Variants in KCNJ6 observed in about 807,000 individuals in gnomAD.
The protein encoded by KCNJ6 is potassium inwardly rectifying channel subfamily J member 6, also known as G protein-activated inward rectifier potassium channel 2.
In KCNJ6, 9 loss-of-function variants were observed where a neutral mutation model predicts 34.2. That is an observed-to-expected ratio of 0.26 (90% confidence interval 0.16 to 0.46). KCNJ6 has a LOEUF of 0.46. KCNJ6 is among the 20% of genes least tolerant of loss of function. KCNJ6 has a pLI of 1.00. For synonymous variants in KCNJ6, 196 were observed against 207.1 expected (o/e 0.95, Z 0.46); for missense variants, 236 against 531.3 (o/e 0.44, Z 5.46).
chr21:37,842,608 C>T (rs1249321827), intron 1 of KCNJ6, among the ~76,000 whole-genome samples: 1 of 152,236 alleles, frequency 6.6e-6, no homozygotes, highest in Non-Finnish European at 1.5e-5. Flanking sequence ...TGGAATTTCA[C>T]CCGTGATATT....
At chr21:37,807,664 T>C (rs2055300400) in intron 2 of KCNJ6, among the ~76,000 whole-genome samples, 1 of 152,254 alleles carries the variant, frequency 6.6e-6, no homozygotes, top group African/African-American at 2.4e-5. Context: ...CTGGACCATG[T>C]AGCCTAGGTG....
At chr21:37,819,799 CTTT>C (rs60678115) in intron 2 of KCNJ6, among the ~76,000 whole-genome samples, 1 of 148,548 alleles carries the variant, frequency 6.7e-6, no homozygotes, top group African/African-American at 2.5e-5. Context: ...GTTAAATACA[CTTT>C]TTTTTTTTTG....
intron 2 of KCNJ6, among the ~76,000 whole-genome samples, chr21:37,740,363 C>G (rs1232069636): frequency 6.6e-6 from 1 of 152,182 alleles, no homozygotes; most frequent in African/African-American, 2.4e-5. Context: ...GAGGCTTCAG[C>G]TGCATGATAA....
intron 3 of KCNJ6, among the ~76,000 whole-genome samples, chr21:37,644,140 C>T (rs2054393240): frequency 6.6e-6 from 1 of 152,112 alleles, no homozygotes; most frequent in South Asian, 2.1e-4. Context: ...AACCAAATAC[C>T]ACATGTTCTC....
At chr21:37,850,320 C>T (rs1310542807) in intron 1 of KCNJ6, among the ~76,000 whole-genome samples, 2 of 151,990 alleles carry the variant, frequency 1.3e-5, no homozygotes, top group Non-Finnish European at 1.5e-5. Flanking sequence ...AACCCCAGGC[C>T]GTGGACCAAT....
At chr21:37,813,278 T>C (rs2055331438) in intron 2 of KCNJ6, among the ~76,000 whole-genome samples, 2 of 152,226 alleles carry the variant, frequency 1.3e-5, no homozygotes, top group Non-Finnish European at 2.9e-5. Context: ...AATGGAAATG[T>C]ATTCCATGTT....
At chr21:37,914,303 A>AGGTGGG (rs1420592014) in intron 1 of KCNJ6, among the ~76,000 whole-genome samples, 1 of 152,156 alleles carries the variant, frequency 6.6e-6, no homozygotes, top group Non-Finnish European at 1.5e-5. Flanking sequence ...CGACCAAAGG[A>AGGTGGG]GTGGGTACTG....
At chr21:37,691,870 A>T (rs576252477) in intron 3 of KCNJ6, among the ~76,000 whole-genome samples, 10 of 152,254 alleles carry the variant, frequency 6.6e-5, no homozygotes, top group Non-Finnish European at 1.5e-5. Flanking sequence ...TATTCATTCA[A>T]TGTGCTTTTG....
chr21:37,879,504 G>A (rs2055695804), intron 1 of KCNJ6, among the ~76,000 whole-genome samples: 2 of 152,102 alleles, frequency 1.3e-5, no homozygotes, highest in Non-Finnish European at 2.9e-5. Flanking sequence ...CCATCCCTGC[G>A]TGAGTGATAT....
intron 1 of KCNJ6, among the ~76,000 whole-genome samples, chr21:37,914,037 G>GTGTGTC (rs2055881137): frequency 6.6e-6 from 1 of 151,326 alleles, no homozygotes; most frequent in South Asian, 2.1e-4. Flanking sequence ...GTGTGTGTGT[G>GTGTGTC]TGTGTGTGTG....
intron 1 of KCNJ6, among the ~76,000 whole-genome samples, chr21:37,908,055 T>A (rs1983536918): frequency 6.6e-6 from 1 of 152,224 alleles, no homozygotes; most frequent in African/African-American, 2.4e-5. Context: ...CATGGAAGGA[T>A]TAACATGCAT....
In KCNJ6 at chr21:37,615,976, A is replaced by G. The variant is rs2054265261; in HGVS notation, c.*9183T>C. 6.6e-6 allele frequency: 1 copy of G among 152,248 alleles called. No homozygotes were observed. The highest frequency in any genetic ancestry group is 2.4e-5 in the African/African-American group (1 of 41,458). The allele number at this position is 152,248 out of a possible 1,614,324, so 9.4% of individuals were successfully genotyped here. A position where few individuals can be genotyped will look rare whatever the true frequency, so the allele number is the denominator to read the frequency against. On this transcript the variant is annotated 3_prime_UTR_variant, in exon 4 of 4. Coordinates refer to ENST00000609713, the MANE Select transcript of KCNJ6 (RefSeq NM_002240.5). The stretch of plus-strand genomic sequence containing the variant: ...CCTAAGTGCATCCCATCTTAGGAAG[A>G]AAGGATGGGAATACCCCAGACCTGG...
At chr21:37,840,281 T>C (rs950748944) in intron 2 of KCNJ6, among the ~76,000 whole-genome samples, 1 of 152,220 alleles carries the variant, frequency 6.6e-6, no homozygotes, top group Non-Finnish European at 1.5e-5. Context: ...CATTCTTTCC[T>C]CTCTTTAGAT....
intron 3 of KCNJ6, among the ~76,000 whole-genome samples, chr21:37,639,896 C>T (rs1569435304): frequency 6.6e-6 from 1 of 152,182 alleles, no homozygotes; most frequent in Non-Finnish European, 1.5e-5. Flanking sequence ...ATACCTGCTT[C>T]CCCTTCCCCT....
intron 1 of KCNJ6, among the ~76,000 whole-genome samples, chr21:37,845,652 A>G (rs1436133366): frequency 6.6e-6 from 1 of 152,222 alleles, no homozygotes; most frequent in African/African-American, 2.4e-5. Context: ...CCGTTTGGCT[A>G]CTGTGTGGGG....
chr21:37,706,574 C>T (rs2054720753), intron 3 of KCNJ6, among the ~76,000 whole-genome samples: 1 of 143,644 alleles, frequency 7.0e-6, no homozygotes, highest in Non-Finnish European at 1.5e-5. Flanking sequence ...CTGCGGCTGC[C>T]ATGTAGTGCG....
intron 2 of KCNJ6, among the ~76,000 whole-genome samples, chr21:37,794,282 CTG>C (rs1174286959): frequency 2.0e-5 from 3 of 152,210 alleles, no homozygotes; most frequent in Admixed American, 2.0e-4. Context: ...GGCCATGTCT[CTG>C]GACCAGACTA....
At chr21:37,754,227 A>C (rs2055012089) in intron 2 of KCNJ6, among the ~76,000 whole-genome samples, 1 of 152,194 alleles carries the variant, frequency 6.6e-6, no homozygotes, top group African/African-American at 2.4e-5. Context: ...TCTTTAGAAC[A>C]ATGAGGCTTC....
chr21:37,801,187 A>AC (rs1255490455), intron 2 of KCNJ6, among the ~76,000 whole-genome samples: 1 of 151,788 alleles, frequency 6.6e-6, no homozygotes, highest in East Asian at 1.9e-4. Flanking sequence ...ATAAAAGCAC[A>AC]CCCCCATTTT....
Sources: allele counts gnomAD v4.1 joint callset (sites outside exome capture counted in the v4.1 genomes callset), GRCh38; gene constraint gnomAD v4.1.1; transcripts MANE v1.5; gene names NCBI Gene and HGNC (gene_info 2026-07-23, HGNC 2026-07-21).